CLSTN1: variants seen among roughly 807,000 people sequenced by gnomAD.
CLSTN1 encodes the protein calsyntenin 1.
Under a neutral mutation model 108.3 loss-of-function variants are expected in CLSTN1, and 28 were observed. The observed-to-expected ratio is 0.26, with a 90% CI of 0.19 to 0.35. The LOEUF (loss-of-function observed/expected upper bound fraction) is 0.35. Among genes scored for constraint, CLSTN1 ranks in the 10% least tolerant of loss-of-function variants. CLSTN1 has a pLI of 1.00. For missense variants in CLSTN1, 1,157 were observed against 1,302.6 expected (o/e 0.89, Z 1.72); for synonymous variants, 524 against 534.9 (o/e 0.98, Z 0.28).
At chr1:9,782,651 T>C (rs1216196833) in intron 1 of CLSTN1, among the ~76,000 whole-genome samples, 1 of 152,170 alleles carries the variant, frequency 6.6e-6, no homozygotes, top group Non-Finnish European at 1.5e-5. Flanking sequence ...TAATCAACTT[T>C]AGGATTAACA....
chr1:9,738,669 T>C (rs887956518), intron 10 of CLSTN1, among the ~76,000 whole-genome samples: 1 of 152,240 alleles, frequency 6.6e-6, no homozygotes, highest in African/African-American at 2.4e-5. Flanking sequence ...TGTTTGTTTG[T>C]TTTGAGATAG....
intron 7 of CLSTN1, among the ~76,000 whole-genome samples, chr1:9,744,888 G>C (rs1472016030): frequency 6.6e-6 from 1 of 152,014 alleles, no homozygotes; most frequent in African/African-American, 2.4e-5. Context: ...CGAGTAGCTG[G>C]GATTACAGGC....
At chr1:9,793,385 G>T (rs978108311) in intron 1 of CLSTN1, among the ~76,000 whole-genome samples, 1 of 151,412 alleles carries the variant, frequency 6.6e-6, no homozygotes, top group East Asian at 2.0e-4. Flanking sequence ...ATCCATCCAC[G>T]GCAGCTGTGG....
Position 9,729,103 on chromosome 1 carries a change from C to G in CLSTN1, c.*1405G>C, listed in dbSNP as rs1202752813. On this transcript the variant is annotated 3_prime_UTR_variant, in exon 19 of 19. Transcript: ENST00000377298. ...AGTATACACATCTGCGAAGGGAAAC[C>G]GCGCGGCGACAGCGTGAGGACATCC... is the stretch of plus-strand genomic sequence containing the variant. The G allele has an allele frequency of 6.6e-6, 1 of 152,158 alleles. No homozygotes were observed. Among genetic ancestry groups the G allele is most frequent in the African/African-American group, 2.4e-5 (1 of 41,434 alleles). 9.4% of individuals were successfully genotyped at this position (152,158 alleles called of 1,614,324 possible).
chr1:9,813,642 CA>C (rs1019540534), intron 1 of CLSTN1, among the ~76,000 whole-genome samples: 1 of 152,142 alleles, frequency 6.6e-6, no homozygotes, highest in African/African-American at 2.4e-5. Context: ...CTGAAATATG[CA>C]AAACTCAGTG....
At chr1:9,817,610 G>A (rs2101345844) in intron 1 of CLSTN1, among the ~76,000 whole-genome samples, 1 of 152,252 alleles carries the variant, frequency 6.6e-6, no homozygotes, top group Non-Finnish European at 1.5e-5. Context: ...TTACAGTTGT[G>A]AGCCACTGCA....
Position 9,730,623 on chromosome 1 carries a change from T to A in CLSTN1, c.2831A>T (p.Asp944Val). ...EESEDGEEED[D>V]ITSAESESSE... ...GCTCTCCGACTCGGCGCTGGTGATG[T>A]CATCCTCTTCTTCGCCGTCCTCGCT... Residue 944 changes from aspartate to valine, a missense_variant, in exon 19 of 19, where the codon GAC becomes GTC. Coordinates refer to ENST00000377298, the MANE Select transcript of CLSTN1 (RefSeq NM_001009566.3). The surrounding 1 kb of genome is among the most constrained non-coding windows in gnomAD (Gnocchi z 5.6). 6.2e-7 allele frequency: 1 copy of A among 1,610,504 alleles called. No individual in the cohort carries two copies.
At chr1:9,752,047 T>C (rs796357069) in intron 4 of CLSTN1, among the ~76,000 whole-genome samples, 1 of 152,180 alleles carries the variant, frequency 6.6e-6, no homozygotes, top group African/African-American at 2.4e-5. Flanking sequence ...TCTCCAATTA[T>C]AAAGTTGAAA....
intron 9 of CLSTN1, 31 bp downstream of exon 9, chr1:9,743,853 G>A (rs749725722): frequency 8.1e-6 from 13 of 1,611,434 alleles, no homozygotes; most frequent in South Asian, 5.5e-5. Context: ...CACCTTGCCC[G>A]GCCCTATTAG....
At chr1:9,773,234 C>A in intron 2 of CLSTN1, 38 bp downstream of exon 2, 2 of 1,612,234 alleles carry the variant, frequency 1.2e-6, no homozygotes, top group Non-Finnish European at 1.7e-6. Context: ...CCTGACCAGG[C>A]CCGATTCATC....
chr1:9,823,684 A>G lies in CLSTN1; in HGVS notation c.50T>C (p.Leu17Pro). The change falls in exon 1 of 19, where the codon CTG (leucine) becomes CCG (proline). Residue 17 changes from leucine (L) to proline (P), a missense_variant. Physicochemically the swap from Leu to Pro is moderately conservative, Grantham distance 98. Coordinates refer to ENST00000377298, the MANE Select transcript of CLSTN1 (RefSeq NM_001009566.3). This position sits in a 1 kb window ranked among gnomAD's most constrained non-coding sequence, Gnocchi z 6.3. The part of the protein sequence containing the change: ...PALAPAARLL[L>P]AGLLCGGGVW... ...CCCGCCGCCGCACAGCAGCCCGGCCAGCAGCAGCCGGGCGGCCGGGGCCAG... is the reference window on the plus strand; with the variant it reads ...CCCGCCGCCGCACAGCAGCCCGGCCGGCAGCAGCCGGGCGGCCGGGGCCAG... The G allele has an allele frequency of 8.6e-7, 1 of 1,164,632 alleles. No individual in the cohort carries two copies. The highest frequency in any genetic ancestry group is 1.1e-6 in the Non-Finnish European group (1 of 944,226). The allele number at this position is 1,164,632 out of a possible 1,614,324, so 72.1% of individuals were successfully genotyped here.
intron 7 of CLSTN1, among the ~76,000 whole-genome samples, chr1:9,747,176 CAAAAAAAAAAAAAAAA>C (rs70998306): frequency 6.1e-5 from 2 of 32,724 alleles, no homozygotes; most frequent in African/African-American, 1.7e-4. Flanking sequence ...GAGACTGTCT[CAAAAAAAAAAAAAAAA>C]AAAAAAAAAA....
chr1:9,765,885 A>T (rs1652306511), intron 2 of CLSTN1, among the ~76,000 whole-genome samples: 1 of 152,192 alleles, frequency 6.6e-6, no homozygotes, highest in African/African-American at 2.4e-5. Context: ...TCAAAAAAAA[A>T]AGGCAATTTC....
Position 9,749,509 on chromosome 1 carries a change from C to A in CLSTN1, c.937G>T (p.Gly313Cys). 6.2e-7 allele frequency: 1 copy of A among 1,614,198 alleles called. No individual in the cohort carries two copies. The highest frequency in any genetic ancestry group is 8.5e-7 in the Non-Finnish European group (1 of 1,180,032). The change falls in exon 7 of 19, where the codon GGC (glycine) becomes TGC (cysteine). Residue 313 changes from glycine to cysteine, a missense_variant. By Grantham distance (159) the Gly-to-Cys change is radical (BLOSUM62 -3). Transcript: ENST00000377298. Reference sequence around the variant, plus strand: ...TCTGAGTAGGTGTCTCGGTCGCAGCCTTTCCCTATGTGGCTGGTTTCTAGC... The same window carrying A: ...TCTGAGTAGGTGTCTCGGTCGCAGCATTTCCCTATGTGGCTGGTTTCTAGC... ...VELETSHIGKGCDRDTYSEKS... is the reference protein window; with the variant it reads ...VELETSHIGKCCDRDTYSEKS...
intron 1 of CLSTN1, among the ~76,000 whole-genome samples, chr1:9,814,247 CAA>C (rs558624346): frequency 2.0e-4 from 19 of 94,868 alleles, no homozygotes; most frequent in Non-Finnish European, 2.2e-4. Flanking sequence ...CCATCTCTAC[CAA>C]AAAAAAAAAA....
chr1:9,764,162 G>C (rs1652214837), intron 2 of CLSTN1, among the ~76,000 whole-genome samples: 1 of 151,660 alleles, frequency 6.6e-6, no homozygotes. Flanking sequence ...GGAGGAGGAG[G>C]AGCAACCACA....
intron 1 of CLSTN1, chr1:9,780,713 A>T (rs1197496864): frequency 6.5e-6 from 1 of 153,184 alleles, no homozygotes; most frequent in African/African-American, 2.4e-5. Context: ...AAAATGGCAA[A>T]GACAAGAGAC....
chr1:9,804,435 C>T (rs11121493), intron 1 of CLSTN1, among the ~76,000 whole-genome samples: 25,729 of 150,854 alleles, frequency 0.17, 3,301 homozygotes, highest in African/African-American at 0.35. Context: ...TGGGAATGGA[C>T]ACCACCTGTC....
intron 1 of CLSTN1, among the ~76,000 whole-genome samples, chr1:9,816,164 T>C (rs1654960562): frequency 6.6e-6 from 1 of 152,204 alleles, no homozygotes; most frequent in Admixed American, 6.5e-5. Context: ...TACAAGGATA[T>C]ATTATTTACC....
Sources: allele counts gnomAD v4.1 joint callset (sites outside exome capture counted in the v4.1 genomes callset), GRCh38; gene constraint gnomAD v4.1.1; non-coding constraint Gnocchi (gnomAD v3.1); transcripts MANE v1.5; gene names NCBI Gene and HGNC (gene_info 2026-07-23, HGNC 2026-07-21).